The following GPHN variants were observed in gnomAD, a reference collection of about 807,000 sequenced individuals.
GPHN encodes the protein gephyrin.
Under a neutral mutation model 95.5 loss-of-function variants are expected in GPHN, and 17 were observed. The ratio of observed to expected loss-of-function variants is 0.18; its 90% CI spans 0.12 to 0.27. GPHN has a LOEUF of 0.27. Ranked by LOEUF, GPHN falls within the 10% of genes least tolerant of loss-of-function variation. The pLI is 1.00. For synonymous variants in GPHN, 320 were observed against 322.5 expected, an observed-to-expected ratio of 0.99 and a Z score of 0.08; for missense variants, 660 against 978.1, an observed-to-expected ratio of 0.67 and a Z score of 4.34.
intron 18 of GPHN, among the ~76,000 whole-genome samples, chr14:67,146,845 C>A (rs2080926031): frequency 6.6e-6 from 1 of 152,090 alleles, no homozygotes; most frequent in African/African-American, 2.4e-5. Context: ...ACCAGCCTGG[C>A]CAACATGGCA....
the GPHN span, among the ~76,000 whole-genome samples, chr14:67,622,880 G>T: frequency 1.3e-5 from 2 of 152,164 alleles, no homozygotes; most frequent in African/African-American, 2.4e-5. Context: ...GCTGAATGAG[G>T]GGGAAGGGCA....
chr14:66,632,276 ATAGTTGT>A (rs930823521), intron 1 of GPHN, among the ~76,000 whole-genome samples: 2 of 152,172 alleles, frequency 1.3e-5, no homozygotes, highest in African/African-American at 4.8e-5. Context: ...TCAAAAGCTC[ATAGTTGT>A]TTTTGACACC....
At chr14:66,702,702 A>G (rs995125747) in intron 2 of GPHN, among the ~76,000 whole-genome samples, 1 of 152,092 alleles carries the variant, frequency 6.6e-6, no homozygotes, top group East Asian at 1.9e-4. Context: ...GATGAGAAAG[A>G]ATCAATGAAA....
At chr14:67,420,237 T>A in the GPHN span, among the ~76,000 whole-genome samples, 1 of 152,070 alleles carries the variant, frequency 6.6e-6, no homozygotes, top group Non-Finnish European at 1.5e-5. Context: ...GCCTCCCACC[T>A]CTCCTCTGAG....
the GPHN span, chr14:67,722,687 G>A: frequency 6.2e-7 from 1 of 1,613,932 alleles, no homozygotes; most frequent in Non-Finnish European, 8.5e-7. Flanking sequence ...TCTCGTTCCT[G>A]TATATGGTAG....
intron 3 of GPHN, among the ~76,000 whole-genome samples, chr14:66,779,343 A>G (rs1264754251): frequency 1.3e-5 from 2 of 152,196 alleles, no homozygotes; most frequent in Non-Finnish European, 2.9e-5. Flanking sequence ...ACATTCAATA[A>G]TGACTTCTAA....
intron 1 of GPHN, among the ~76,000 whole-genome samples, chr14:66,623,617 CAAAAAAAAAA>C (rs57810648): frequency 2.2e-5 from 2 of 91,522 alleles, no homozygotes; most frequent in East Asian, 2.7e-4. Context: ...GACTCTGTTT[CAAAAAAAAAA>C]AAAAAAAAAA....
At chr14:66,545,403 C>T (rs1361171982) in intron 1 of GPHN, among the ~76,000 whole-genome samples, 1 of 136,178 alleles carries the variant, frequency 7.3e-6, no homozygotes, top group Non-Finnish European at 1.6e-5. Context: ...CCACCTCCCT[C>T]CCGGATGGGG....
chr14:66,591,230 C>G (rs895451432), intron 1 of GPHN, among the ~76,000 whole-genome samples: 1 of 152,176 alleles, frequency 6.6e-6, no homozygotes, highest in African/African-American at 2.4e-5. Flanking sequence ...GAAGCATTCC[C>G]TTTGAAAACT....
intron 11 of GPHN, among the ~76,000 whole-genome samples, chr14:67,074,250 C>T (rs936389330): frequency 6.6e-6 from 1 of 151,490 alleles, no homozygotes; most frequent in Non-Finnish European, 1.5e-5. Context: ...TCTCTTGGCA[C>T]CATTTTTCCA....
chr14:66,619,889 T>G (rs2063217393), intron 1 of GPHN, among the ~76,000 whole-genome samples: 2 of 152,192 alleles, frequency 1.3e-5, no homozygotes, highest in South Asian at 4.1e-4. Context: ...TGTGTAGTTT[T>G]GGGGAGCAAA....
chr14:67,623,700 C>T, the GPHN span, among the ~76,000 whole-genome samples: 2 of 152,020 alleles, frequency 1.3e-5, no homozygotes, highest in Admixed American at 1.3e-4. Flanking sequence ...TGCCACTGCG[C>T]CTGACTAATT....
intron 4 of GPHN, among the ~76,000 whole-genome samples, chr14:66,864,984 G>C (rs1009929410): frequency 6.6e-6 from 1 of 152,126 alleles, no homozygotes; most frequent in Non-Finnish European, 1.5e-5. Context: ...TGAAACTGGA[G>C]GTCATTATGT....
chr14:67,293,305 G>A, the GPHN span, among the ~76,000 whole-genome samples: 1 of 152,056 alleles, frequency 6.6e-6, no homozygotes, highest in South Asian at 2.1e-4. Context: ...TTTAAAAAGG[G>A]TATAAATAAA....
intron 1 of GPHN, among the ~76,000 whole-genome samples, chr14:66,578,224 G>A (rs1198180611): frequency 6.6e-6 from 1 of 151,220 alleles, no homozygotes; most frequent in East Asian, 2.0e-4. Context: ...GCAGAAGAAA[G>A]GATCAGTAAG....
intron 11 of GPHN, among the ~76,000 whole-genome samples, chr14:67,069,175 G>T (rs1413752716): frequency 1.3e-5 from 2 of 152,098 alleles, no homozygotes; most frequent in African/African-American, 2.4e-5. Flanking sequence ...ACCCAATGTA[G>T]GGTTATTGTA....
intron 11 of GPHN, among the ~76,000 whole-genome samples, chr14:67,074,239 G>A (rs1356160210): frequency 1.3e-5 from 2 of 149,592 alleles, no homozygotes. Flanking sequence ...CATTGAGCAA[G>A]TCTCTTGGCA....
Position 66,955,666 on chromosome 14 carries a change from C to T in GPHN, c.829-9525C>T, listed in dbSNP as rs180937999. Among the ~76,000 whole-genome samples the T allele has an allele frequency of 7.2e-5, 11 of 152,208 alleles. No homozygotes were observed. In the East Asian group the frequency reaches 2.1e-3, roughly 29 times the overall value. On this transcript the variant is annotated intron_variant, in intron 8 of 22. Transcript: ENST00000478722. Reference sequence around the variant, plus strand: ...GCTGCACCCATTAACTCGTCATTTACATTAGGTATATATATCTCCTAATGC... The same window carrying T: ...GCTGCACCCATTAACTCGTCATTTATATTAGGTATATATATCTCCTAATGC...
At chr14:67,462,098 A>G in the GPHN span, among the ~76,000 whole-genome samples, 1 of 152,226 alleles carries the variant, frequency 6.6e-6, no homozygotes, top group Admixed American at 6.5e-5. Flanking sequence ...CATAGACTGT[A>G]ACAGGCGAGG....
Sources: gnomAD v4.1 joint callset for allele counts (sites outside exome capture counted in the v4.1 genomes callset) on GRCh38, gnomAD v4.1.1 for gene constraint, MANE v1.5 for transcripts, NCBI Gene and HGNC (gene_info 2026-07-23, HGNC 2026-07-21) for gene names.